Variants in NLRC5 observed in about 807,000 individuals in gnomAD.
NLRC5 encodes protein NLRC5.
In NLRC5, 114 loss-of-function variants were observed where a neutral mutation model predicts 206.9. That is an observed-to-expected ratio of 0.55 (90% CI 0.47 to 0.64). The LOEUF (loss-of-function observed/expected upper bound fraction) is 0.64, where lower values mean the gene tolerates loss of function less well. Among genes scored for constraint, NLRC5 ranks in the 30% least tolerant of loss-of-function variants. The pLI is 0.00. For synonymous variants in NLRC5, 952 were observed against 962.8 expected (o/e 0.99, Z 0.21); for missense variants, 2,008 against 2,305.5 (o/e 0.87, Z 2.64).
intron 22 of NLRC5, 98 bp from the exon 23 acceptor site, chr16:57,047,447 T>TA (rs1224262063): frequency 2.7e-6 from 3 of 1,092,538 alleles, no homozygotes; most frequent in East Asian, 5.2e-5. Context: ...GCCTCCCACT[T>TA]AGAGTGAGGG....
chr16:57,041,586 G>A lies in NLRC5; in HGVS notation c.3029+12G>A. 1 of 1,612,998 alleles carries A rather than the reference G, an allele frequency of 6.2e-7. No individual in the cohort carries two copies. The highest frequency in any genetic ancestry group is 8.5e-7 in the Non-Finnish European group (1 of 1,178,998). Reference sequence around the variant, plus strand: ...CACCTCCACCTCGAGTGAGTGGTTTGTGTGTTGGAAGGTGGGTGGGTGGGG... The same window carrying A: ...CACCTCCACCTCGAGTGAGTGGTTTATGTGTTGGAAGGTGGGTGGGTGGGG... On this transcript the variant is annotated intron_variant, in intron 18 of 48. Transcript: ENST00000688547.
intron 32 of NLRC5, among the ~76,000 whole-genome samples, chr16:57,063,201 C>T (rs532508316): frequency 1.3e-5 from 2 of 150,866 alleles, no homozygotes; most frequent in South Asian, 2.1e-4. Context: ...CACCCTCCAC[C>T]TCTTGGGTTC....
chr16:57,018,292 A>G (rs1218427640), intron 2 of NLRC5, among the ~76,000 whole-genome samples: 1 of 152,210 alleles, frequency 6.6e-6, no homozygotes, highest in Non-Finnish European at 1.5e-5. Flanking sequence ...GGTGCCATCT[A>G]GGCCTCCAAG....
chr16:57,045,209 AAAC>A (rs2063787530), intron 20 of NLRC5: 7 of 518,918 alleles, frequency 1.3e-5, no homozygotes, highest in Admixed American at 1.2e-4. Context: ...CCTTTCTTCG[AAAC>A]AACAACAAAG....
intron 39 of NLRC5, among the ~76,000 whole-genome samples, chr16:57,075,577 C>G (rs1303052086): frequency 6.6e-6 from 1 of 152,188 alleles, no homozygotes. Context: ...GGGCCACGGT[C>G]AGCACTTTGA....
intron 2 of NLRC5, among the ~76,000 whole-genome samples, chr16:57,018,766 A>G (rs1351645706): frequency 1.3e-5 from 2 of 152,160 alleles, no homozygotes; most frequent in African/African-American, 2.4e-5. Flanking sequence ...ATACACAGTG[A>G]GTGCTTTCCA....
At chr16:57,032,556 A>T (rs2061999212) in intron 11 of NLRC5, among the ~76,000 whole-genome samples, 1 of 152,110 alleles carries the variant, frequency 6.6e-6, no homozygotes, top group Non-Finnish European at 1.5e-5. Flanking sequence ...ATGCTATTTT[A>T]ATTTAAATAA....
intron 13 of NLRC5, chr16:57,034,509 T>C: frequency 2.3e-6 from 1 of 433,404 alleles, no homozygotes; most frequent in African/African-American, 2.0e-5. Context: ...CCTCATTTTA[T>C]AGAGGAGGAA....
chr16:57,070,437 T>G (rs2067509004), intron 37 of NLRC5, 98 bp from the exon 38 acceptor site: 1 of 1,071,974 alleles, frequency 9.3e-7, no homozygotes, highest in East Asian at 2.4e-5. Context: ...AGAGTTGGCC[T>G]CCCAGGGGAC....
At chr16:57,015,247 G>C (rs74494656) in intron 1 of NLRC5, among the ~76,000 whole-genome samples, 9,481 of 152,174 alleles carry the variant, frequency 0.062, 951 homozygotes, top group African/African-American at 0.21. Flanking sequence ...CTTCTTGTGA[G>C]GGCAGTAATC....
intron 1 of NLRC5, among the ~76,000 whole-genome samples, chr16:57,011,766 G>T (rs1292386028): frequency 6.6e-6 from 1 of 151,588 alleles, no homozygotes; most frequent in Non-Finnish European, 1.5e-5. Flanking sequence ...ATCATAGATG[G>T]TACAAACACT....
At chr16:57,062,292 C>T (rs567719078) in intron 32 of NLRC5, 11 of 398,682 alleles carry the variant, frequency 2.8e-5, no homozygotes, top group South Asian at 1.5e-4. Flanking sequence ...ACTCAGTTAG[C>T]GATTCCTTAG....
At chr16:57,038,897 T>C (rs1447900376) in intron 15 of NLRC5, among the ~76,000 whole-genome samples, 1 of 146,840 alleles carries the variant, frequency 6.8e-6, no homozygotes, top group East Asian at 2.0e-4. Flanking sequence ...ATCATGCCAC[T>C]GCACTCCAGC....
At chr16:57,029,081 T>C (rs543940911) in intron 8 of NLRC5, among the ~76,000 whole-genome samples, 1 of 152,224 alleles carries the variant, frequency 6.6e-6, no homozygotes, top group Non-Finnish European at 1.5e-5. Flanking sequence ...ACTTGTTGAG[T>C]GAAAATAATA....
At chr16:57,078,463 C>CTTTTTTTTTTTTTTTTT (rs1567650358) in intron 43 of NLRC5, among the ~76,000 whole-genome samples, 2 of 123,872 alleles carry the variant, frequency 1.6e-5, no homozygotes, top group Admixed American at 8.6e-5. Context: ...GTGCTGGGAC[C>CTTTTTTTTTTTTTTTTT]TTGTTTTTTT....
rs573523943 is a variant in NLRC5, at chr16:57,009,571, C to T, written c.-127-7503C>T. 1.8e-4 allele frequency among the ~76,000 whole-genome samples: 27 copies of T among 151,212 alleles called. No homozygotes were observed. In the South Asian group the frequency reaches 3.6e-3, roughly 20 times the overall value. On this transcript the variant is annotated intron_variant, in intron 1 of 48. Transcript: ENST00000688547. ...TCACGCCACTGCACTCCAGCCTGGG[C>T]GACAGAGTGAGACTCCATTTCAAAA...
chr16:57,040,836 C>A, intron 17 of NLRC5, 118 bp downstream of exon 17: 1 of 957,572 alleles, frequency 1.0e-6, no homozygotes. Flanking sequence ...ACCTGACCTG[C>A]TGTGTCCAGG....
intron 1 of NLRC5, among the ~76,000 whole-genome samples, chr16:56,993,879 G>A (rs2057272634): frequency 6.7e-6 from 1 of 150,088 alleles, no homozygotes; most frequent in Non-Finnish European, 1.5e-5. Flanking sequence ...CTTATAGAAT[G>A]TCTGAACCAT....
intron 43 of NLRC5, 75 bp from the exon 44 acceptor site, chr16:57,078,975 C>A: frequency 7.3e-7 from 1 of 1,368,406 alleles, no homozygotes; most frequent in Non-Finnish European, 1.0e-6. Flanking sequence ...GCACTGCAGC[C>A]TGAGACAAGG....
Sources: allele counts gnomAD v4.1 joint callset (sites outside exome capture counted in the v4.1 genomes callset), GRCh38; gene constraint gnomAD v4.1.1; transcripts MANE v1.5; gene names NCBI Gene and HGNC (gene_info 2026-07-23, HGNC 2026-07-21).